The following STPG1 variants were observed in gnomAD, a reference collection of about 807,000 sequenced individuals.
The protein encoded by STPG1 is O(6)-methylguanine-induced apoptosis 2.
In STPG1, 33 loss-of-function variants were observed where a neutral mutation model predicts 40.1. The ratio of observed to expected loss-of-function variants is 0.82; its 90% CI spans 0.62 to 1.10. STPG1 has a LOEUF of 1.10. STPG1 is among the 50% of genes least tolerant of loss of function. The pLI, the probability that STPG1 is intolerant of heterozygous loss-of-function variation, is 0.00. For missense variants in STPG1, 396 were observed against 415.1 expected (o/e 0.95, Z 0.40); for synonymous variants, 150 against 155.0 (o/e 0.97, Z 0.24).
At chr1:24,364,167 G>A (rs773826784) in intron 7 of STPG1, 141 of 1,487,880 alleles carry the variant, frequency 9.5e-5, no homozygotes, top group South Asian at 2.8e-4. Context: ...AATTCTTGAC[G>A]TTCTCACTTT....
rs1157441331 is a variant in STPG1 at position 24,357,439 on chromosome 1, C to A, written c.*1104G>T. 2 of 152,660 alleles carry A rather than the reference C, an allele frequency of 1.3e-5. No individual in the cohort carries two copies. The highest frequency in any genetic ancestry group is 3.8e-4 in the East Asian group (2 of 5,198). The allele number at this position is 152,660 out of a possible 1,614,324, so 9.5% of individuals were successfully genotyped here. On this transcript the variant is annotated 3_prime_UTR_variant, in exon 9 of 9. Coordinates refer to ENST00000337248, the MANE Select transcript of STPG1 (RefSeq NM_001199013.2). Reference sequence around the variant, plus strand: ...TATCATTGGAATCACCTGGGTGGCTCCTGCCTCCCCACTGCCCAGACCCCA... The same window carrying A: ...TATCATTGGAATCACCTGGGTGGCTACTGCCTCCCCACTGCCCAGACCCCA...
In STPG1 at chr1:24,357,935, G is replaced by C. The variant is rs908655119; in HGVS notation, c.*608C>G. 1 of 331,690 alleles carries C rather than the reference G, an allele frequency of 3.0e-6. No homozygotes were observed. The highest frequency in any genetic ancestry group is 2.2e-5 in the African/African-American group (1 of 46,462). 20.5% of individuals were successfully genotyped at this position (331,690 alleles called of 1,614,324 possible). ...TGATCTCCCACTCCAAAGAGAAAAA[G>C]GTCTAAAAGGAGTAAAGAGAGGTCT... On this transcript the variant is annotated 3_prime_UTR_variant, in exon 9 of 9. Coordinates refer to ENST00000337248, the MANE Select transcript of STPG1 (RefSeq NM_001199013.2).
At chr1:24,385,878 G>A (rs890304094) in intron 3 of STPG1, among the ~76,000 whole-genome samples, 21 of 152,312 alleles carry the variant, frequency 1.4e-4, no homozygotes, top group South Asian at 8.3e-4. Context: ...GGGTGCTTTT[G>A]AGCTTCCAGA....
chr1:24,373,917 C>T (rs1248948594), intron 5 of STPG1, 107 bp from the exon 6 acceptor site: 1 of 787,308 alleles, frequency 1.3e-6, no homozygotes, highest in Non-Finnish European at 2.2e-6. Context: ...CAAACCGAAA[C>T]CTGTCCTTCT....
At chr1:24,409,674 T>C (rs944919116) in intron 1 of STPG1, among the ~76,000 whole-genome samples, 1 of 152,200 alleles carries the variant, frequency 6.6e-6, no homozygotes, top group African/African-American at 2.4e-5. Context: ...AAATCTCCTA[T>C]CGTCTGACTC....
At chr1:24,390,049 G>C (rs1642694706) in intron 3 of STPG1, among the ~76,000 whole-genome samples, 1 of 152,192 alleles carries the variant, frequency 6.6e-6, no homozygotes, top group South Asian at 2.1e-4. Flanking sequence ...CCATGCCTTG[G>C]CTCCGTTCAG....
chr1:24,373,922 CCTT>C (rs1485215307), intron 5 of STPG1, 112 bp from the exon 6 acceptor site: 2 of 754,272 alleles, frequency 2.7e-6, no homozygotes, highest in Non-Finnish European at 4.7e-6. Flanking sequence ...CGAAACCTGT[CCTT>C]CTTAGCAAAT....
intron 5 of STPG1, among the ~76,000 whole-genome samples, chr1:24,377,307 T>C (rs1475393623): frequency 6.6e-6 from 1 of 152,038 alleles, no homozygotes; most frequent in East Asian, 1.9e-4. Flanking sequence ...ACTCATGGGC[T>C]TCCTAGGACC....
intron 2 of STPG1, among the ~76,000 whole-genome samples, chr1:24,394,227 T>TA (rs1642900180): frequency 6.6e-6 from 1 of 152,184 alleles, no homozygotes; most frequent in South Asian, 2.1e-4. Flanking sequence ...TCATGGAACA[T>TA]AGAGTATGCA....
At chr1:24,379,861 T>C in intron 4 of STPG1, 38 bp from the exon 5 acceptor site, 1 of 1,597,958 alleles carries the variant, frequency 6.3e-7, no homozygotes, top group Non-Finnish European at 8.6e-7. Flanking sequence ...CATTGTCACA[T>C]AATATTGTGG....
At chr1:24,372,181 A>AAAAAC (rs573718589) in intron 6 of STPG1, among the ~76,000 whole-genome samples, 33 of 152,284 alleles carry the variant, frequency 2.2e-4, no homozygotes, top group South Asian at 1.2e-3. Context: ...CCATCTCCAA[A>AAAAAC]AAAACAAAAC....
rs376956450 is a variant in STPG1 at position 24,360,938 on chromosome 1, G to A, written c.841C>T (p.Arg281Cys). 46 of 1,613,910 alleles carry A rather than the reference G, an allele frequency of 2.9e-5. No homozygotes were observed. The highest frequency in any genetic ancestry group is 1.3e-4 in the East Asian group (6 of 44,898). The change falls in exon 8 of 9, where the codon CGC (arginine) becomes TGC (cysteine). Residue 281 changes from arginine (R) to cysteine (C), a missense_variant. Arg to Cys is a radical substitution (Grantham distance 180, BLOSUM62 -3). Transcript: ENST00000337248. ...GATGCACTAGAGATGAAATGCTTGCGGGGGCCTAAGTAGTCCACGATCTCA... is the reference window on the plus strand; with the variant it reads ...GATGCACTAGAGATGAAATGCTTGCAGGGGCCTAAGTAGTCCACGATCTCA... The part of the protein sequence containing the change: ...QYEIVDYLGP[R>C]KHFISSASFV...
At chr1:24,374,250 T>TTTTG (rs1557440471) in intron 5 of STPG1, among the ~76,000 whole-genome samples, 47 of 90,470 alleles carry the variant, frequency 5.2e-4, no homozygotes, top group African/African-American at 2.8e-3. Context: ...AAGTGTTTTT[T>TTTTG]TTTTTTGTTT....
Position 24,358,529 on chromosome 1 carries a change from C to A in STPG1, c.*14G>T. On this transcript the variant is annotated 3_prime_UTR_variant, in exon 9 of 9. Coordinates refer to ENST00000337248, the MANE Select transcript of STPG1 (RefSeq NM_001199013.2). ...GCTGGTGGCTGGAGTTCTCCTTGAC[C>A]TTGTGTGACATCCCTACAGAACCGG... The A allele has an allele frequency of 6.2e-7, 1 of 1,609,314 alleles. No individual in the cohort carries two copies.
chr1:24,379,367 C>T (rs753391871), intron 5 of STPG1: 5 of 325,022 alleles, frequency 1.5e-5, no homozygotes, highest in East Asian at 5.9e-5. Flanking sequence ...GAGAAAACTA[C>T]GTCCCAGAAA....
intron 4 of STPG1, among the ~76,000 whole-genome samples, chr1:24,383,274 C>A (rs1166494065): frequency 6.6e-6 from 1 of 152,270 alleles, no homozygotes; most frequent in East Asian, 1.9e-4. Context: ...CTTGCTGTAT[C>A]TGTTTTTCTT....
chr1:24,364,462 G>C, intron 7 of STPG1: 1 of 1,405,670 alleles, frequency 7.1e-7, no homozygotes, highest in Non-Finnish European at 9.3e-7. Flanking sequence ...ATACATTCTG[G>C]CTATTACTTT....
chr1:24,392,727 G>A (rs1642830226), intron 2 of STPG1, among the ~76,000 whole-genome samples: 1 of 152,168 alleles, frequency 6.6e-6, no homozygotes, highest in Non-Finnish European at 1.5e-5. Flanking sequence ...GGCACCGTAA[G>A]TCTTGACATC....
At chr1:24,373,308 G>A (rs750702990) in intron 6 of STPG1, among the ~76,000 whole-genome samples, 2 of 152,200 alleles carry the variant, frequency 1.3e-5, no homozygotes, top group Admixed American at 1.3e-4. Context: ...GAACGTGGCA[G>A]CTCAGTGTTG....
Sources: gnomAD v4.1 joint callset for allele counts (sites outside exome capture counted in the v4.1 genomes callset) on GRCh38, gnomAD v4.1.1 for gene constraint, MANE v1.5 for transcripts, NCBI Gene and HGNC (gene_info 2026-07-23, HGNC 2026-07-21) for gene names.